The following ZNF611 variants were observed in gnomAD, a reference collection of about 807,000 sequenced individuals.
The protein encoded by ZNF611 is zinc finger protein 611.
A neutral mutation model predicts 8.9 loss-of-function variants in ZNF611; 6 were observed. The observed-to-expected ratio is 0.68, with a 90% CI of 0.37 to 1.34. The LOEUF (loss-of-function observed/expected upper bound fraction) is 1.34, where lower values mean the gene tolerates loss of function less well. Among genes scored for constraint, ZNF611 ranks in the 40% most tolerant of loss-of-function variants. The probability of loss-of-function intolerance (pLI) is 0.02; values close to 1 mark genes in which losing one functional copy is unlikely to be tolerated. For synonymous variants in ZNF611, 262 were observed against 279.7 expected, an observed-to-expected ratio of 0.94 and a Z score of 0.63; for missense variants, 874 against 841.3, an observed-to-expected ratio of 1.04 and a Z score of -0.48.
In ZNF611 at chr19:52,705,105, G is replaced by T. The variant is rs139877254; in HGVS notation, c.1950C>A (p.Tyr650Ter). ...HRRLHTGEKS[Y>*]KCTICDKAFV... ...AAGCCTTGTCACAAATTGTACATTT[G>T]TAAGATTTCTCTCCAGTATGAAGTC... The change falls in exon 6 of 6, where the codon TAC becomes TAA. Residue 650 changes from tyrosine (Y) to a stop codon, truncating the protein, a stop_gained. Coordinates refer to ENST00000652185, the MANE Select transcript of ZNF611 (RefSeq NM_001161499.2). LOFTEE classifies it low-confidence loss of function (END_TRUNC). 49 of 1,614,026 alleles carry T rather than the reference G, an allele frequency of 3.0e-5. No homozygotes were observed. Among genetic ancestry groups the T allele is most frequent in the Non-Finnish European group, 4.0e-5 (47 of 1,180,052 alleles).
intron 4 of ZNF611, 111 bp from the exon 5 acceptor site, chr19:52,714,252 G>A (rs1414832931): frequency 1.3e-6 from 2 of 1,527,122 alleles, no homozygotes; most frequent in East Asian, 4.7e-5. Flanking sequence ...ATTATGTTCT[G>A]ACAAAAGGAT....
chr19:52,729,404 G>A (rs917168415), intron 2 of ZNF611, among the ~76,000 whole-genome samples: 24 of 146,134 alleles, frequency 1.6e-4, no homozygotes, highest in African/African-American at 5.8e-4. Context: ...GAGGCACAAG[G>A]ATCGCTTGAA....
intron 5 of ZNF611, among the ~76,000 whole-genome samples, chr19:52,707,958 A>C (rs1345221430): frequency 6.6e-6 from 1 of 152,166 alleles, no homozygotes; most frequent in African/African-American, 2.4e-5. Flanking sequence ...CGAATAGTGC[A>C]TGTCAGTTAT....
chr19:52,711,021 G>A (rs575256378), intron 5 of ZNF611, among the ~76,000 whole-genome samples: 5 of 148,048 alleles, frequency 3.4e-5, no homozygotes, highest in Admixed American at 2.0e-4. Context: ...CAACAAGAGG[G>A]AAACTCCATT....
chr19:52,725,129 T>C (rs1450840992), intron 3 of ZNF611, among the ~76,000 whole-genome samples: 1 of 152,146 alleles, frequency 6.6e-6, no homozygotes, highest in Non-Finnish European at 1.5e-5. Context: ...GAAGCGCATT[T>C]TCCAGGAGGT....
intron 3 of ZNF611, among the ~76,000 whole-genome samples, chr19:52,716,860 T>C (rs1398443789): frequency 6.6e-6 from 1 of 152,018 alleles, no homozygotes; most frequent in Non-Finnish European, 1.5e-5. Flanking sequence ...AGGTAGGGAC[T>C]AGCCCAGCCA....
rs570380513 is a variant in ZNF611 at position 52,704,377 on chromosome 19, C to T, written c.*560G>A. 1.9e-5 allele frequency: 12 copies of T among 643,616 alleles called. No individual in the cohort carries two copies. In the East Asian group the frequency reaches 3.7e-4, roughly 20 times the overall value. 39.9% of individuals were successfully genotyped at this position (643,616 alleles called of 1,614,324 possible). A position where few individuals can be genotyped will look rare whatever the true frequency, so the allele number is the denominator to read the frequency against. ...GTAAGATTTCTGTCCAGTATAGATTCTCTGATGTCTAATGACGTGTGAACG... is the reference window on the plus strand; with the variant it reads ...GTAAGATTTCTGTCCAGTATAGATTTTCTGATGTCTAATGACGTGTGAACG... On this transcript the variant is annotated 3_prime_UTR_variant, in exon 6 of 6. Transcript: ENST00000652185.
rs1169043139 is a variant in ZNF611 at position 52,703,366 on chromosome 19, C to T, written c.*1571G>A. The T allele has an allele frequency of 6.6e-6, 1 of 152,104 alleles. No homozygotes were observed. The highest frequency in any genetic ancestry group is 1.5e-5 in the Non-Finnish European group (1 of 68,012). The allele number at this position is 152,104 out of a possible 1,614,324, so 9.4% of individuals were successfully genotyped here. The stretch of plus-strand genomic sequence containing the variant: ...GCACAATTTTGGTTCACTGCAACTT[C>T]TACCTCCTAGGTTTAAGCAATTCTC... On this transcript the variant is annotated 3_prime_UTR_variant, in exon 6 of 6. Coordinates refer to ENST00000652185, the MANE Select transcript of ZNF611 (RefSeq NM_001161499.2).
chr19:52,719,370 A>C (rs908377500), intron 3 of ZNF611, among the ~76,000 whole-genome samples: 30 of 152,054 alleles, frequency 2.0e-4, no homozygotes, highest in Non-Finnish European at 3.2e-4. Context: ...CCAGCCATGA[A>C]AAGGGAAGAG....
chr19:52,719,162 C>T (rs2062337598), intron 3 of ZNF611, among the ~76,000 whole-genome samples: 1 of 151,944 alleles, frequency 6.6e-6, no homozygotes, highest in Non-Finnish European at 1.5e-5. Flanking sequence ...GAGAAAGACT[C>T]CATCTCAAAA....
intron 1 of ZNF611, 134 bp downstream of exon 1, chr19:52,734,867 G>C (rs1220427792): frequency 6.6e-6 from 1 of 152,322 alleles, no homozygotes; most frequent in African/African-American, 2.4e-5. Flanking sequence ...GGCTCTCACG[G>C]GGATGTCTCA....
chr19:52,727,388 A>G (rs1286732188), intron 3 of ZNF611, among the ~76,000 whole-genome samples: 1 of 152,170 alleles, frequency 6.6e-6, no homozygotes, highest in East Asian at 1.9e-4. Context: ...TATACAACCC[A>G]TTTAGTACAT....
At chr19:52,717,712 C>T (rs2062326907) in intron 3 of ZNF611, 1 of 984,312 alleles carries the variant, frequency 1.0e-6, no homozygotes, top group East Asian at 1.1e-4. Flanking sequence ...TATTATGGAC[C>T]AGAGGGAATT....
In ZNF611 at chr19:52,706,821, C is replaced by A; in HGVS notation, c.234G>T (p.Gly78=). 6.2e-7 allele frequency: 1 copy of A among 1,611,130 alleles called. No individual in the cohort carries two copies. The highest frequency in any genetic ancestry group is 8.5e-7 in the Non-Finnish European group (1 of 1,179,122). Reference sequence around the variant, plus strand: ...TGTGGATCACTTCTGTATTGCCTTGCCCTGTTGACAAGACCTCCTTCATCA... The same window carrying A: ...TGTGGATCACTTCTGTATTGCCTTGACCTGTTGACAAGACCTCCTTCATCA... ...KCMMKEVLST[G]QGNTEVIHTG... The change falls in exon 6 of 6, where the codon GGG becomes GGT. Residue 78 remains glycine, a synonymous_variant. Transcript: ENST00000652185.
chr19:52,724,558 A>C, intron 3 of ZNF611: 1 of 151,832 alleles, frequency 6.6e-6, no homozygotes, highest in Admixed American at 6.6e-5. Context: ...ACCTTATTTA[A>C]CCTCTTGTTG....
intron 3 of ZNF611, among the ~76,000 whole-genome samples, chr19:52,725,735 A>C (rs778136491): frequency 3.9e-5 from 6 of 152,108 alleles, no homozygotes; most frequent in Non-Finnish European, 7.4e-5. Flanking sequence ...CCTCGGTAGG[A>C]CCTTTACTCC....
At position 52,715,328 on chromosome 19, in the gene ZNF611, G is replaced by A. The variant is rs373861755; in HGVS notation, c.63+504C>T. The stretch of plus-strand genomic sequence containing the variant: ...AAATTAGCTGGGCGTGGTGGTAGGT[G>A]CCTGTAATCCCCAATACTGGGGAGG... On this transcript the variant is annotated intron_variant, in intron 4 of 5. Transcript: ENST00000652185. Among the ~76,000 whole-genome samples the A allele has an allele frequency of 2.1e-3, 318 of 152,154 alleles. 1 individual carries two copies. The highest frequency in any genetic ancestry group is 7.3e-3 in the African/African-American group (305 of 41,528).
intron 3 of ZNF611, among the ~76,000 whole-genome samples, chr19:52,725,335 C>G (rs1339412514): frequency 1.3e-5 from 2 of 152,190 alleles, no homozygotes; most frequent in Non-Finnish European, 2.9e-5. Context: ...GGCAGAGGAC[C>G]CAGCCTCCCC....
chr19:52,722,712 C>A (rs2062367423), intron 3 of ZNF611, among the ~76,000 whole-genome samples: 1 of 152,140 alleles, frequency 6.6e-6, no homozygotes, highest in African/African-American at 2.4e-5. Flanking sequence ...CTCACACACT[C>A]ATCTGTATCC....
Sources: allele counts gnomAD v4.1 joint callset (sites outside exome capture counted in the v4.1 genomes callset), GRCh38; gene constraint gnomAD v4.1.1; transcripts MANE v1.5; gene names NCBI Gene and HGNC (gene_info 2026-07-23, HGNC 2026-07-21).